Variants in MYO1G observed in about 807,000 individuals in gnomAD.
MYO1G encodes unconventional myosin-Ig.
In MYO1G, 65 loss-of-function variants were observed where a neutral mutation model predicts 115.3. The observed-to-expected ratio is 0.56, with a 90% CI of 0.46 to 0.69. MYO1G has a LOEUF of 0.69. Among genes scored for constraint, MYO1G ranks in the 30% least tolerant of loss-of-function variants. MYO1G has a pLI of 0.00. For missense variants in MYO1G, 1,204 were observed against 1,393.5 expected, an observed-to-expected ratio of 0.86 and a Z score of 2.16; for synonymous variants, 510 against 552.6, an observed-to-expected ratio of 0.92 and a Z score of 1.08.
Position 44,965,761 on chromosome 7 carries a change from C to T in MYO1G, c.2257G>A (p.Ala753Thr). 6.2e-7 allele frequency: 1 copy of T among 1,608,754 alleles called. No individual in the cohort carries two copies. The highest frequency in any genetic ancestry group is 8.5e-7 in the Non-Finnish European group (1 of 1,179,966). The change falls in exon 17 of 22, where the codon GCT (alanine) becomes ACT (threonine). Residue 753 changes from alanine (A) to threonine (T), a missense_variant. Transcript: ENST00000258787. ...FRRHKVRAHL[A>T]ELQRRFQAAR... ...GCCTGGAATCGCCGCTGCAGCTCAG[C>T]CAGGTGAGCCCGCACCTTGTGTCTC...
chr7:44,963,074 G>T lies in MYO1G; in HGVS notation c.2796C>A (p.His932Gln). The change falls in exon 21 of 22, where the codon CAC (histidine) becomes CAA (glutamine). Residue 932 changes from histidine (H) to glutamine (Q), a missense_variant. By Grantham distance (24) the His-to-Gln change is conservative. Coordinates refer to ENST00000258787, the MANE Select transcript of MYO1G (RefSeq NM_033054.3). The surrounding 1 kb of genome is among the most constrained non-coding windows in gnomAD (Gnocchi z 4.1). ...CCACGAGGTCGTCCTGGCCGCGGGC[G>T]TGCAGCACCACCAGCTGGTCTCCTC... ...TSGGDQLVVL[H>Q]ARGQDDLVVC... 6.6e-7 allele frequency: 1 copy of T among 1,520,236 alleles called. No individual in the cohort carries two copies. Among genetic ancestry groups the T allele is most frequent in the Non-Finnish European group, 8.8e-7 (1 of 1,139,766 alleles). 94.2% of individuals were successfully genotyped at this position (1,520,236 alleles called of 1,614,324 possible). A position where few individuals can be genotyped will look rare whatever the true frequency, so the allele number is the denominator to read the frequency against.
At chr7:44,965,527 T>C in intron 17 of MYO1G, 110 bp downstream of exon 17, 3 of 1,029,872 alleles carry the variant, frequency 2.9e-6, no homozygotes, top group Non-Finnish European at 2.9e-6. Context: ...TTCCCACCTA[T>C]CAAGGGGGCT....
Position 44,962,968 on chromosome 7 carries a change from A to AC in MYO1G, c.2900+1dup. 1 of 1,529,846 alleles carries AC rather than the reference A, an allele frequency of 6.5e-7. No homozygotes were observed. Among genetic ancestry groups the AC allele is most frequent in the Non-Finnish European group, 8.8e-7 (1 of 1,142,646 alleles). The allele number at this position is 1,529,846 out of a possible 1,614,324, so 94.8% of individuals were successfully genotyped here. A position where few individuals can be genotyped will look rare whatever the true frequency, so the allele number is the denominator to read the frequency against. On this transcript the variant is annotated splice_donor_variant, in intron 21 of 21. Coordinates refer to ENST00000258787, the MANE Select transcript of MYO1G (RefSeq NM_033054.3). LOFTEE classifies it high-confidence loss of function. This position sits in a 1 kb window ranked among gnomAD's most constrained non-coding sequence, Gnocchi z 5.3. ...GCCCGCTACCGCCCAGCCTGCACTCACCCCTGGCAGTGTGCGGCCAGCACG... is the reference window on the plus strand; with the variant it reads ...GCCCGCTACCGCCCAGCCTGCACTCACCCCCTGGCAGTGTGCGGCCAGCACG...
intron 1 of MYO1G, among the ~76,000 whole-genome samples, chr7:44,977,498 T>C (rs1583798320): frequency 6.6e-6 from 1 of 152,096 alleles, no homozygotes; most frequent in African/African-American, 2.4e-5. Flanking sequence ...TCCTCGGCTG[T>C]TTCCTGTCTC....
Position 44,967,942 on chromosome 7 carries a change from A to G in MYO1G, c.1591T>C (p.Phe531Leu), listed in dbSNP as rs1401499860. 2 of 1,613,980 alleles carry G rather than the reference A, an allele frequency of 1.2e-6. No individual in the cohort carries two copies. The highest frequency in any genetic ancestry group is 1.1e-5 in the South Asian group (1 of 91,072). Residue 531 changes from phenylalanine (F) to leucine (L), a missense_variant, in exon 13 of 22, where the codon TTC (phenylalanine) becomes CTC (leucine). Physicochemically the swap from Phe to Leu is conservative, Grantham distance 22 (BLOSUM62 0). Transcript: ENST00000258787. ...AGGAAATCTCTGTTCTTGTCGATGA[A>G]GCCTTCCACGGAGTACCTACCAGAA... Reference protein sequence around the residue: ...AGDVTYSVEGFIDKNRDFLFQ... With the variant: ...AGDVTYSVEGLIDKNRDFLFQ...
At chr7:44,977,327 A>G (rs1284684799) in intron 1 of MYO1G, among the ~76,000 whole-genome samples, 1 of 152,206 alleles carries the variant, frequency 6.6e-6, no homozygotes, top group Non-Finnish European at 1.5e-5. Flanking sequence ...CAGGGATCCC[A>G]AGGTCACTGG....
chr7:44,962,822 A>G lies in MYO1G; in HGVS notation c.2974T>C (p.Ser992Pro). The G allele has an allele frequency of 6.6e-7, 1 of 1,520,974 alleles. No homozygotes were observed. Among genetic ancestry groups the G allele is most frequent in the African/African-American group, 1.4e-5 (1 of 69,388 alleles). 94.2% of individuals were successfully genotyped at this position (1,520,974 alleles called of 1,614,324 possible). The part of the protein sequence containing the change: ...LSHRGVRRLI[S>P]VEPRPEQPEP... The stretch of plus-strand genomic sequence containing the variant: ...GGCTGCTCCGGCCTGGGCTCCACGG[A>G]GATGAGGCGCCGGACCCCGCGATGG... Residue 992 changes from serine to proline, a missense_variant, in exon 22 of 22, where the codon TCC (serine) becomes CCC (proline). Transcript: ENST00000258787. The surrounding 1 kb of genome is among the most constrained non-coding windows in gnomAD (Gnocchi z 5.3).
At position 44,966,445 on chromosome 7, in the gene MYO1G, C is replaced by A; in HGVS notation, c.1950-165G>T. Reference sequence around the variant, plus strand: ...CTTCCCATACACATGTCCTCACATACATGTCCTCACACAGCCCTCATACCC... The same window carrying A: ...CTTCCCATACACATGTCCTCACATAAATGTCCTCACACAGCCCTCATACCC... On this transcript the variant is annotated intron_variant, in intron 15 of 21. Coordinates refer to ENST00000258787, the MANE Select transcript of MYO1G (RefSeq NM_033054.3). The surrounding 1 kb of genome is among the most constrained non-coding windows in gnomAD (Gnocchi z 5.0). The A allele has an allele frequency of 1.2e-6, 1 of 813,052 alleles. No homozygotes were observed. The allele number at this position is 813,052 out of a possible 1,614,324, so 50.4% of individuals were successfully genotyped here. A position where few individuals can be genotyped will look rare whatever the true frequency, so the allele number is the denominator to read the frequency against.
intron 16 of MYO1G, 101 bp downstream of exon 16, chr7:44,965,972 A>G: frequency 6.5e-7 from 1 of 1,545,800 alleles, no homozygotes; most frequent in Non-Finnish European, 8.8e-7. Context: ...TGTCTCCATC[A>G]AGCAGAGACT....
In MYO1G at chr7:44,964,468, G is replaced by C. The variant is rs1366463453; in HGVS notation, c.2578C>G (p.Leu860Val). The C allele has an allele frequency of 6.2e-7, 1 of 1,614,084 alleles. No individual in the cohort carries two copies. Among genetic ancestry groups the C allele is most frequent in the African/African-American group, 1.3e-5 (1 of 75,034 alleles). The change falls in exon 19 of 22, where the codon CTT (leucine) becomes GTT (valine). Residue 860 changes from leucine (L) to valine (V), a missense_variant. Coordinates refer to ENST00000258787, the MANE Select transcript of MYO1G (RefSeq NM_033054.3). This position sits in a 1 kb window ranked among gnomAD's most constrained non-coding sequence, Gnocchi z 5.1. ...SSLFAQRLKT[L>V]QDKDGFGAVL... Reference sequence around the variant, plus strand: ...GCCCCGAAGCCATCTTTGTCCTGAAGTGTCTTTAGTCGCTGAGCAAACAGG... The same window carrying C: ...GCCCCGAAGCCATCTTTGTCCTGAACTGTCTTTAGTCGCTGAGCAAACAGG...
rs557745937 is a variant in MYO1G at position 44,967,889 on chromosome 7, G to A, written c.1644C>T (p.Tyr548=). ...FLFQDFKRLL[Y]NSTDPTLRAM... is the part of the protein sequence containing the mutation. ...GCCCAGCAAGCCGTGCTCACCTGTTGTACAGCAGCCGCTTGAAGTCCTGGA... is the reference window on the plus strand; with the variant it reads ...GCCCAGCAAGCCGTGCTCACCTGTTATACAGCAGCCGCTTGAAGTCCTGGA... Residue 548 remains tyrosine (Y), a synonymous_variant, in exon 13 of 22, where the codon TAC becomes TAT. Transcript: ENST00000258787. 4.3e-6 allele frequency: 7 copies of A among 1,613,976 alleles called. No homozygotes were observed. The highest frequency in any genetic ancestry group is 4.0e-5 in the African/African-American group (3 of 75,060).
rs1173423494 is a variant in MYO1G at position 44,962,933 on chromosome 7, G to A, written c.2900+37C>T. ...GAGGGGTCAGGGCGGCCACGCGGCC[G>A]GGGCTTCGTGCCCGCTACCGCCCAG... On this transcript the variant is annotated intron_variant, in intron 21 of 21. Coordinates refer to ENST00000258787, the MANE Select transcript of MYO1G (RefSeq NM_033054.3). This position sits in a 1 kb window ranked among gnomAD's most constrained non-coding sequence, Gnocchi z 5.3. 2.0e-6 allele frequency: 3 copies of A among 1,502,244 alleles called. No individual in the cohort carries two copies. The highest frequency in any genetic ancestry group is 2.2e-5 in the Admixed American group (1 of 45,484). 93.1% of individuals were successfully genotyped at this position (1,502,244 alleles called of 1,614,324 possible).
In MYO1G at chr7:44,966,748, G is replaced by A; in HGVS notation, c.1873C>T (p.Leu625=). 6.2e-7 allele frequency: 1 copy of A among 1,613,536 alleles called. No homozygotes were observed. Among genetic ancestry groups the A allele is most frequent in the Non-Finnish European group, 8.5e-7 (1 of 1,180,004 alleles). ...ACCCTCACATTCTCCAGCAGCCCCA[G>A]GTATGCGACCTGGTGGCGACAGTGG... ...ENHCRHQVAY[L]GLLENVRVRR... is the part of the protein sequence containing the mutation. Residue 625 remains leucine, a synonymous_variant, in exon 15 of 22, where the codon CTG becomes TTG. Transcript: ENST00000258787. The surrounding 1 kb of genome is among the most constrained non-coding windows in gnomAD (Gnocchi z 5.0).
In MYO1G at chr7:44,969,419, T is replaced by A; in HGVS notation, c.1568A>T (p.Asp523Val). 6.2e-7 allele frequency: 1 copy of A among 1,613,552 alleles called. No homozygotes were observed. Among genetic ancestry groups the A allele is most frequent in the Non-Finnish European group, 8.5e-7 (1 of 1,179,906 alleles). Residue 523 changes from aspartate to valine, a missense_variant, in exon 12 of 22, where the codon GAC becomes GTC. Transcript: ENST00000258787. The surrounding 1 kb of genome is among the most constrained non-coding windows in gnomAD (Gnocchi z 5.0). ...GGTGGGAGGGGGCCCTTACGTGACGTCCCCTGCATAGTGCTTGATCCGGAA... is the reference window on the plus strand; with the variant it reads ...GGTGGGAGGGGGCCCTTACGTGACGACCCCTGCATAGTGCTTGATCCGGAA... The part of the protein sequence containing the change: ...RDFRIKHYAG[D>V]VTYSVEGFID...
chr7:44,969,664 C>T lies in MYO1G; in HGVS notation c.1503+41G>A. 6.2e-7 allele frequency: 1 copy of T among 1,605,140 alleles called. No individual in the cohort carries two copies. The highest frequency in any genetic ancestry group is 8.5e-7 in the Non-Finnish European group (1 of 1,176,586). ...CAGCATGGTGCCTGTGGGGCAGGTCCCACCAGCCCACTGTGGTGGCACTGG... is the reference window on the plus strand; with the variant it reads ...CAGCATGGTGCCTGTGGGGCAGGTCTCACCAGCCCACTGTGGTGGCACTGG... On this transcript the variant is annotated intron_variant, in intron 11 of 21. Transcript: ENST00000258787. The surrounding 1 kb of genome is among the most constrained non-coding windows in gnomAD (Gnocchi z 5.0).
intron 7 of MYO1G, 147 bp from the exon 8 acceptor site, chr7:44,971,206 A>C: frequency 1.1e-5 from 8 of 717,354 alleles, no homozygotes; most frequent in Non-Finnish European, 1.8e-5. Context: ...GCTGCTCACC[A>C]TGGGCACAGA....
At position 44,964,284 on chromosome 7, in the gene MYO1G, G is replaced by A. The variant is rs971302839; in HGVS notation, c.2632-122C>T. The A allele has an allele frequency of 4.7e-6, 6 of 1,280,030 alleles. No homozygotes were observed. In the African/African-American group the frequency reaches 7.4e-5, roughly 16 times the overall value. 79.3% of individuals were successfully genotyped at this position (1,280,030 alleles called of 1,614,324 possible). On this transcript the variant is annotated intron_variant, in intron 19 of 21. Transcript: ENST00000258787. The surrounding 1 kb of genome is among the most constrained non-coding windows in gnomAD (Gnocchi z 5.1). Reference sequence around the variant, plus strand: ...GACAGTTTTGGGAGTGTCAGGAGCAGCTGGGCCTGGGCTGGGGTTGCCTCC... The same window carrying A: ...GACAGTTTTGGGAGTGTCAGGAGCAACTGGGCCTGGGCTGGGGTTGCCTCC...
At position 44,976,529 on chromosome 7, in the gene MYO1G, C is replaced by T. The variant is rs572032238; in HGVS notation, c.398+35G>A. Reference sequence around the variant, plus strand: ...TGCCACACTGAGGTCCCTGGCCTGCCATGCTGAGGCCCAGAGCTGCCCATT... The same window carrying T: ...TGCCACACTGAGGTCCCTGGCCTGCTATGCTGAGGCCCAGAGCTGCCCATT... On this transcript the variant is annotated intron_variant, in intron 3 of 21. Transcript: ENST00000258787. 4 of 1,601,434 alleles carry T rather than the reference C, an allele frequency of 2.5e-6. No individual in the cohort carries two copies. The East Asian group carries it at 6.7e-5, about 27-fold the overall frequency.
At chr7:44,970,495 A>C in intron 9 of MYO1G, 97 bp downstream of exon 9, 1 of 1,522,784 alleles carries the variant, frequency 6.6e-7, no homozygotes, top group Admixed American at 1.8e-5. Context: ...GAGAAACCCC[A>C]ACATTCCTGC....
Sources: gnomAD v4.1 joint callset for allele counts (sites outside exome capture counted in the v4.1 genomes callset) on GRCh38, gnomAD v4.1.1 for gene constraint, Gnocchi (gnomAD v3.1) non-coding constraint, MANE v1.5 for transcripts, NCBI Gene and HGNC (gene_info 2026-07-23, HGNC 2026-07-21) for gene names.